Variants in YARS1 observed in about 807,000 individuals in gnomAD.
YARS1 encodes tyrosyl-tRNA synthetase 1, also known as tyrosine--tRNA ligase, cytoplasmic.
In YARS1, 36 loss-of-function variants were observed where a neutral mutation model predicts 62.2. The observed-to-expected ratio is 0.58, with a 90% CI of 0.44 to 0.76. The LOEUF is 0.76. Ranked by LOEUF, YARS1 falls within the 30% of genes least tolerant of loss-of-function variation. The pLI is 0.00. For missense variants in YARS1, 524 were observed against 639.8 expected (o/e 0.82, Z 1.95); for synonymous variants, 234 against 244.9 (o/e 0.96, Z 0.42).
intron 12 of YARS1, 68 bp downstream of exon 12, chr1:32,779,314 T>C: frequency 6.2e-7 from 1 of 1,613,268 alleles, no homozygotes; most frequent in Non-Finnish European, 8.5e-7. Context: ...ATGGCTTCAG[T>C]AACAGGACAG....
intron 5 of YARS1, among the ~76,000 whole-genome samples, chr1:32,796,117 A>C (rs1653572636): frequency 6.6e-6 from 1 of 151,620 alleles, no homozygotes; most frequent in Non-Finnish European, 1.5e-5. Context: ...ACATAGTGAA[A>C]CTCCGTCTCT....
rs145194306 is a variant in YARS1 at position 32,787,353 on chromosome 1, C to T, written c.685-278G>A. The stretch of plus-strand genomic sequence containing the variant: ...TGTGGCCCAGGCTGGTCTCAAACTT[C>T]TGGGCTCAAGCAACTCTCCTGCCTT... On this transcript the variant is annotated intron_variant, in intron 6 of 12. Transcript: ENST00000373477. Among the ~76,000 whole-genome samples the T allele has an allele frequency of 0.014, 2,125 of 151,982 alleles. 50 individuals carry two copies. The highest frequency in any genetic ancestry group is 0.048 in the African/African-American group (1,986 of 41,420).
chr1:32,780,293 C>T lies in YARS1; in HGVS notation c.1141-15G>A, dbSNP rs576746700. The T allele has an allele frequency of 1.2e-5, 19 of 1,613,772 alleles. No individual in the cohort carries two copies. The highest frequency in any genetic ancestry group is 2.7e-5 in the African/African-American group (2 of 75,010). ...GCATCTGGGTGCTGCCAGGGAGAGA[C>T]GTCAGGAGGAAGAGGATCATCGTCC... On this transcript the variant is annotated splice_polypyrimidine_tract_variant and intron_variant, in intron 10 of 12. Coordinates refer to ENST00000373477, the MANE Select transcript of YARS1 (RefSeq NM_003680.4).
At chr1:32,777,141 T>G (rs1400227728) in intron 12 of YARS1, among the ~76,000 whole-genome samples, 1 of 151,568 alleles carries the variant, frequency 6.6e-6, no homozygotes, top group South Asian at 2.1e-4. Flanking sequence ...GCAATTCTCC[T>G]GCCTAAGCGT....
chr1:32,791,169 G>A lies in YARS1; in HGVS notation c.677C>T (p.Ser226Leu). The change falls in exon 6 of 13, where the codon TCA becomes TTA. Residue 226 changes from serine to leucine, a missense_variant. Coordinates refer to ENST00000373477, the MANE Select transcript of YARS1 (RefSeq NM_003680.4). ...PGLTGSKMSS[S>L]EEESKIDLLD... The stretch of plus-strand genomic sequence containing the variant: ...TCTCAGCTGGCAACTTACCTCTTCT[G>A]AAGAGCTCATTTTGCTGCCTGTTAA... The A allele has an allele frequency of 6.2e-7, 1 of 1,613,962 alleles. No individual in the cohort carries two copies. Among genetic ancestry groups the A allele is most frequent in the Non-Finnish European group, 8.5e-7 (1 of 1,179,894 alleles).
chr1:32,785,278 G>A (rs1653183699), intron 8 of YARS1, among the ~76,000 whole-genome samples: 1 of 152,084 alleles, frequency 6.6e-6, no homozygotes, highest in South Asian at 2.1e-4. Flanking sequence ...TGGCCAACAT[G>A]GTGAAACCCC....
rs1652814487 is a variant in YARS1, at chr1:32,775,486, T to C, written c.*495A>G. The stretch of plus-strand genomic sequence containing the variant: ...TCAGAGTAAGCAGACATTGGGAAAG[T>C]TGCCAACCACTTGGTAGACCACTAG... On this transcript the variant is annotated 3_prime_UTR_variant, in exon 13 of 13. Transcript: ENST00000373477. The C allele has an allele frequency of 6.2e-6, 1 of 161,742 alleles. No homozygotes were observed. The highest frequency in any genetic ancestry group is 1.4e-5 in the Non-Finnish European group (1 of 73,366). 10.0% of individuals were successfully genotyped at this position (161,742 alleles called of 1,614,324 possible). A position where few individuals can be genotyped will look rare whatever the true frequency, so the allele number is the denominator to read the frequency against.
rs946364097 is a variant in YARS1 at position 32,807,380 on chromosome 1, A to G, written c.381-769T>C. 5.3e-5 allele frequency among the ~76,000 whole-genome samples: 8 copies of G among 152,320 alleles called. 1 individual carries two copies. In the South Asian group the frequency reaches 1.0e-3, roughly 20 times the overall value. On this transcript the variant is annotated intron_variant, in intron 3 of 12. Transcript: ENST00000373477. ...TCCAGTTACATTAGGACATTCAAAC[A>G]GAGCACTGCCTGGTAGCTTCTAAAA...
chr1:32,816,858 A>G (rs1401262327), intron 1 of YARS1: 1 of 509,424 alleles, frequency 2.0e-6, no homozygotes, highest in African/African-American at 1.9e-5. Context: ...CCCTTCAGAC[A>G]AGCTCTGGCA....
chr1:32,792,219 G>C (rs1557453755), intron 5 of YARS1, among the ~76,000 whole-genome samples: 1 of 152,228 alleles, frequency 6.6e-6, no homozygotes. Context: ...AATCAAAGTA[G>C]AGAAGGCTTT....
chr1:32,780,136 G>A lies in YARS1; in HGVS notation c.1283C>T (p.Pro428Leu). ...GGACTCGACTCCTCTCATCTTCTGG[G>A]GTTTCAGGTTGCACAGCACCACTAC... The part of the protein sequence containing the change: ...RLVVVLCNLK[P>L]QKMRGVESQG... The change falls in exon 11 of 13, where the codon CCC (proline) becomes CTC (leucine). Residue 428 changes from proline (P) to leucine (L), a missense_variant. Physicochemically the swap from Pro to Leu is moderately conservative, Grantham distance 98. Coordinates refer to ENST00000373477, the MANE Select transcript of YARS1 (RefSeq NM_003680.4). The A allele has an allele frequency of 6.2e-7, 1 of 1,614,082 alleles. No homozygotes were observed. The highest frequency in any genetic ancestry group is 1.1e-5 in the South Asian group (1 of 91,058).
intron 5 of YARS1, 40 bp from the exon 6 acceptor site, chr1:32,791,294 TA>T (rs763333102): frequency 6.5e-7 from 1 of 1,540,618 alleles, no homozygotes; most frequent in Non-Finnish European, 9.0e-7. Context: ...GATATTAGTC[TA>T]AGTTCCTCCT....
intron 3 of YARS1, among the ~76,000 whole-genome samples, chr1:32,809,496 A>G (rs1298029756): frequency 1.3e-5 from 2 of 152,130 alleles, no homozygotes; most frequent in Non-Finnish European, 2.9e-5. Flanking sequence ...TTGGCCTCCC[A>G]AAGTGCTCAG....
In YARS1 at chr1:32,775,961, G is replaced by C. The variant is rs781560790; in HGVS notation, c.*20C>G. ...GCAGATGACTCAGTGGTGGAAGAAG[G>C]GGGGAAGATGCTGGGCTGGCTAGCT... On this transcript the variant is annotated 3_prime_UTR_variant, in exon 13 of 13. Coordinates refer to ENST00000373477, the MANE Select transcript of YARS1 (RefSeq NM_003680.4). The C allele has an allele frequency of 1.2e-5, 19 of 1,591,816 alleles. No individual in the cohort carries two copies. The highest frequency in any genetic ancestry group is 1.7e-4 in the Middle Eastern group (1 of 5,880).
chr1:32,780,082 C>T lies in YARS1; in HGVS notation c.1334+3G>A, dbSNP rs1653002087. 1 of 1,614,084 alleles carries T rather than the reference C, an allele frequency of 6.2e-7. No individual in the cohort carries two copies. The highest frequency in any genetic ancestry group is 8.5e-7 in the Non-Finnish European group (1 of 1,180,022). On this transcript the variant is annotated splice_donor_region_variant and intron_variant, in intron 11 of 12. Coordinates refer to ENST00000373477, the MANE Select transcript of YARS1 (RefSeq NM_003680.4). ...CTGTGCCCCACTCCAAGTCCTCACT[C>T]ACATAGAAGCACACAGAAGCATGCC...
chr1:32,789,994 C>T (rs185431297), intron 6 of YARS1, among the ~76,000 whole-genome samples: 146 of 151,518 alleles, frequency 9.6e-4, no homozygotes, highest in African/African-American at 3.4e-3. Flanking sequence ...AGCAATTCTC[C>T]TGCCTCAGCC....
chr1:32,780,966 C>T, intron 10 of YARS1, 82 bp downstream of exon 10: 1 of 1,313,672 alleles, frequency 7.6e-7, no homozygotes, highest in Non-Finnish European at 1.1e-6. Flanking sequence ...TACTTCCCAT[C>T]TCCAGGCCAC....
chr1:32,812,233 G>A (rs1360267190), intron 1 of YARS1, among the ~76,000 whole-genome samples: 4 of 152,082 alleles, frequency 2.6e-5, no homozygotes, highest in Non-Finnish European at 5.9e-5. Context: ...GGCTGGTCTC[G>A]AACTCTTGGC....
chr1:32,797,864 A>G, intron 4 of YARS1, 21 bp from the exon 5 acceptor site: 4 of 1,602,852 alleles, frequency 2.5e-6, no homozygotes, highest in Non-Finnish European at 3.4e-6. Context: ...AAACACATGA[A>G]CATAAACATC....
Sources: allele counts gnomAD v4.1 joint callset (sites outside exome capture counted in the v4.1 genomes callset), GRCh38; gene constraint gnomAD v4.1.1; transcripts MANE v1.5; gene names NCBI Gene and HGNC (gene_info 2026-07-23, HGNC 2026-07-21).